IL1RAPL2: variants seen among roughly 807,000 people sequenced by gnomAD.
IL1RAPL2 encodes the protein X-linked interleukin-1 receptor accessory protein-like 2.
In IL1RAPL2, 3 loss-of-function variants were observed where a neutral mutation model predicts 44.1. The ratio of observed to expected loss-of-function variants is 0.07; its 90% confidence interval spans 0.03 to 0.18. The LOEUF is 0.18. Ranked by LOEUF, IL1RAPL2 falls within the 10% of genes least tolerant of loss-of-function variation. The pLI is 1.00. For missense variants in IL1RAPL2, 391 were observed against 496.4 expected, an observed-to-expected ratio of 0.79 and a Z score of 2.02; for synonymous variants, 181 against 178.8, an observed-to-expected ratio of 1.01 and a Z score of -0.10.
chrX:104,888,864 T>C (rs1447363004), intron 2 of IL1RAPL2, among the ~76,000 whole-genome samples: 1 of 111,585 alleles, frequency 9.0e-6, no homozygotes, highest in Non-Finnish European at 1.9e-5. Context: ...GGACATGCAA[T>C]CCAACTTTTA....
intron 2 of IL1RAPL2, among the ~76,000 whole-genome samples, chrX:104,983,655 T>C (rs1244136276): frequency 1.0e-5 from 1 of 98,007 alleles, no homozygotes; most frequent in African/African-American, 3.6e-5. Context: ...TAATATTATG[T>C]ACATAATATA....
chrX:105,542,691 TTTTA>T (rs1225259466), intron 6 of IL1RAPL2, among the ~76,000 whole-genome samples: 2,114 of 96,092 alleles, frequency 0.022, 79 homozygotes, highest in African/African-American at 0.076. Flanking sequence ...TTTTTATATT[TTTTA>T]TTTATTTATT....
At chrX:104,626,303 TGTGTGTGTGC>T (rs1184943651) in intron 1 of IL1RAPL2, among the ~76,000 whole-genome samples, 32 of 106,732 alleles carry the variant, frequency 3.0e-4, no homozygotes, top group African/African-American at 1.0e-3. Flanking sequence ...CTCATGCGTG[TGTGTGTGTGC>T]GTGTGTGTGT....
At chrX:104,679,988 G>A (rs916820052) in intron 2 of IL1RAPL2, among the ~76,000 whole-genome samples, 2 of 111,271 alleles carry the variant, frequency 1.8e-5, no homozygotes, top group African/African-American at 3.3e-5. Flanking sequence ...GCAAAGAGGC[G>A]CTATGGGGTA....
intron 5 of IL1RAPL2, among the ~76,000 whole-genome samples, chrX:105,348,238 C>T (rs1236822446): frequency 1.8e-5 from 2 of 111,621 alleles, no homozygotes; most frequent in Non-Finnish European, 3.8e-5. Flanking sequence ...AGTGCTAGGT[C>T]ACTGGTATCT....
intron 6 of IL1RAPL2, among the ~76,000 whole-genome samples, chrX:105,505,091 T>G (rs771984680): frequency 1.8e-5 from 2 of 111,403 alleles, no homozygotes; most frequent in Admixed American, 9.6e-5. Context: ...CTACCCTCCC[T>G]TCCTTACCTG....
Position 105,383,139 on chromosome X carries a change from T to A in IL1RAPL2, c.698-101174T>A, listed in dbSNP as rs200507447. Among the ~76,000 whole-genome samples, 4 of 109,195 alleles carry A rather than the reference T, an allele frequency of 3.7e-5. No homozygotes were observed. The East Asian group carries it at 1.2e-3, about 32-fold the overall frequency. The allele number at this position is 109,195 out of a possible 115,157, so 94.8% of individuals were successfully genotyped here. Reference sequence around the variant, plus strand: ...TATAATAAAAAAAAAGAAAATCACATGAACGCAAAAATAAAAAAAAAAACT... The same window carrying A: ...TATAATAAAAAAAAAGAAAATCACAAGAACGCAAAAATAAAAAAAAAAACT... On this transcript the variant is annotated intron_variant, in intron 5 of 10. Transcript: ENST00000372582.
chrX:105,666,932 G>A (rs185364312), intron 6 of IL1RAPL2, among the ~76,000 whole-genome samples: 2 of 111,667 alleles, frequency 1.8e-5, no homozygotes, highest in East Asian at 2.8e-4. Context: ...CACATCACGC[G>A]CTGTTGGCTC....
chrX:105,679,171 T>C (rs1000676621), intron 6 of IL1RAPL2, among the ~76,000 whole-genome samples: 4 of 111,367 alleles, frequency 3.6e-5, no homozygotes, highest in African/African-American at 1.3e-4. Context: ...TAATGACACT[T>C]GAGGCTCTAC....
chrX:105,350,413 A>C (rs1259599806), intron 5 of IL1RAPL2, among the ~76,000 whole-genome samples: 1 of 112,680 alleles, frequency 8.9e-6, no homozygotes, highest in Non-Finnish European at 1.9e-5. Flanking sequence ...AAATTTACTT[A>C]TTTTAAAAAT....
intron 7 of IL1RAPL2, among the ~76,000 whole-genome samples, chrX:105,737,721 T>C (rs1314577657): frequency 2.7e-5 from 3 of 111,412 alleles, no homozygotes; most frequent in African/African-American, 9.8e-5. Context: ...CTTCTGGAAC[T>C]ACAGGGGGTT....
chrX:105,340,852 A>G (rs1420682816), intron 5 of IL1RAPL2, among the ~76,000 whole-genome samples: 1 of 111,731 alleles, frequency 9.0e-6, no homozygotes, highest in Non-Finnish European at 1.9e-5. Context: ...TTGCTTATTA[A>G]TTTTGCTTAC....
chrX:104,590,404 G>A (rs1292581535), intron 1 of IL1RAPL2, among the ~76,000 whole-genome samples: 1 of 111,672 alleles, frequency 9.0e-6, no homozygotes, highest in East Asian at 2.8e-4. Context: ...TTTATCACAT[G>A]ATTTTTGATG....
At chrX:104,658,393 C>T (rs771066181) in intron 1 of IL1RAPL2, among the ~76,000 whole-genome samples, 21 of 112,091 alleles carry the variant, frequency 1.9e-4, no homozygotes, top group Non-Finnish European at 3.2e-4. Context: ...CATGTTCTCA[C>T]TCATAGTTGG....
intron 2 of IL1RAPL2, among the ~76,000 whole-genome samples, chrX:105,043,536 T>C (rs113306798): frequency 0.067 from 7,204 of 107,866 alleles, 686 homozygotes; most frequent in African/African-American, 0.23. Context: ...CCCTTCCGTC[T>C]TTCTCTTTCC....
chrX:105,530,187 C>T (rs1333651321), intron 6 of IL1RAPL2, among the ~76,000 whole-genome samples: 2 of 112,225 alleles, frequency 1.8e-5, no homozygotes, highest in East Asian at 5.6e-4. Flanking sequence ...ACCAGCAATG[C>T]ACATGGGTGC....
intron 2 of IL1RAPL2, among the ~76,000 whole-genome samples, chrX:104,660,582 AATAT>A (rs3055132): frequency 6.2e-5 from 6 of 97,458 alleles, no homozygotes; most frequent in Non-Finnish European, 8.0e-5. Flanking sequence ...AAAATATATA[AATAT>A]ATATATACAC....
intron 6 of IL1RAPL2, among the ~76,000 whole-genome samples, chrX:105,561,475 A>G (rs1420723234): frequency 8.9e-6 from 1 of 112,308 alleles, no homozygotes; most frequent in Non-Finnish European, 1.9e-5. Flanking sequence ...GTATTACCTA[A>G]GCAGCCATAC....
chrX:104,986,455 T>C (rs2030562739), intron 2 of IL1RAPL2, among the ~76,000 whole-genome samples: 1 of 112,271 alleles, frequency 8.9e-6, no homozygotes, highest in Non-Finnish European at 1.9e-5. Context: ...AAGTCTGAAT[T>C]TTAAGAGAAT....
Sources: gnomAD v4.1 joint callset for allele counts (sites outside exome capture counted in the v4.1 genomes callset) on GRCh38, gnomAD v4.1.1 for gene constraint, MANE v1.5 for transcripts, NCBI Gene and HGNC (gene_info 2026-07-23, HGNC 2026-07-21) for gene names.